Variants in NOS1AP observed in about 807,000 individuals in gnomAD.
NOS1AP encodes nitric oxide synthase 1 adaptor protein, also known as carboxyl-terminal PDZ ligand of neuronal nitric oxide synthase protein.
In NOS1AP, 21 loss-of-function variants were observed where a neutral mutation model predicts 56.2. The observed-to-expected ratio is 0.37, with a 90% CI of 0.26 to 0.54. NOS1AP has a LOEUF of 0.54. NOS1AP is among the 20% of genes least tolerant of loss of function. NOS1AP has a pLI of 0.84. For missense variants in NOS1AP, 522 were observed against 657.8 expected (o/e 0.79, Z 2.26); for synonymous variants, 270 against 274.6 (o/e 0.98, Z 0.17).
intron 1 of NOS1AP, among the ~76,000 whole-genome samples, chr1:162,083,562 G>A (rs1433202581): frequency 6.6e-6 from 1 of 152,104 alleles, no homozygotes; most frequent in Non-Finnish European, 1.5e-5. Context: ...CTTTAATGTG[G>A]CTAGATTTCT....
At chr1:162,362,509 G>A (rs1657938927) in intron 8 of NOS1AP, among the ~76,000 whole-genome samples, 1 of 152,030 alleles carries the variant, frequency 6.6e-6, no homozygotes. Flanking sequence ...TGACTCTGCA[G>A]TATGTGTGCA....
intron 2 of NOS1AP, among the ~76,000 whole-genome samples, chr1:162,221,025 T>C (rs1652750357): frequency 6.6e-6 from 1 of 152,196 alleles, no homozygotes; most frequent in Non-Finnish European, 1.5e-5. Flanking sequence ...CACTGCAACC[T>C]CCACCTCTCG....
intron 2 of NOS1AP, among the ~76,000 whole-genome samples, chr1:162,279,422 A>T (rs1654846295): frequency 6.6e-6 from 1 of 152,196 alleles, no homozygotes; most frequent in South Asian, 2.1e-4. Flanking sequence ...CTATGCCATC[A>T]TGCTGGTCTC....
Position 162,369,375 on chromosome 1 carries a change from C to T in NOS1AP, c.*1908C>T, listed in dbSNP as rs571850047. On this transcript the variant is annotated 3_prime_UTR_variant, in exon 10 of 10. Coordinates refer to ENST00000361897, the MANE Select transcript of NOS1AP (RefSeq NM_014697.3). ...TCAGAATCCAGTGTGGCTGAGCCTA[C>T]CTAGCTTATGAAATCTAACCCAGGG... 7 of 152,268 alleles carry T rather than the reference C, an allele frequency of 4.6e-5. No individual in the cohort carries two copies. Among genetic ancestry groups the T allele is most frequent in the African/African-American group, 1.7e-4 (7 of 41,548 alleles). The allele number at this position is 152,268 out of a possible 1,614,324, so 9.4% of individuals were successfully genotyped here.
chr1:162,081,774 A>ATATATTTTTTT, intron 1 of NOS1AP, among the ~76,000 whole-genome samples: 2 of 44,058 alleles, frequency 4.5e-5, no homozygotes, highest in African/African-American at 1.5e-4. Context: ...ATATATATAT[A>ATATATTTTTTT]TTTTTTTTTT....
intron 2 of NOS1AP, among the ~76,000 whole-genome samples, chr1:162,185,960 C>G (rs1651419128): frequency 6.6e-6 from 1 of 152,202 alleles, no homozygotes; most frequent in African/African-American, 2.4e-5. Context: ...CTAGAAGGGG[C>G]TAAGCCTGAT....
At chr1:162,222,694 G>T (rs944343225) in intron 2 of NOS1AP, among the ~76,000 whole-genome samples, 1 of 152,164 alleles carries the variant, frequency 6.6e-6, no homozygotes, top group African/African-American at 2.4e-5. Context: ...TTGCTGGTTG[G>T]TTATGAAGTT....
rs558432703 is a variant in NOS1AP, at chr1:162,320,814, A to G, written c.345-12203A>G. ...GGTTGTAGTGAGCCGAGATTGCACCACTGCATTCCAGCCTGGTGACAGAGT... is the reference window on the plus strand; with the variant it reads ...GGTTGTAGTGAGCCGAGATTGCACCGCTGCATTCCAGCCTGGTGACAGAGT... On this transcript the variant is annotated intron_variant, in intron 4 of 9. Coordinates refer to ENST00000361897, the MANE Select transcript of NOS1AP (RefSeq NM_014697.3). Among the ~76,000 whole-genome samples the G allele has an allele frequency of 5.3e-5, 8 of 152,296 alleles. No individual in the cohort carries two copies. In the South Asian group the frequency reaches 1.7e-3, roughly 32 times the overall value.
intron 4 of NOS1AP, among the ~76,000 whole-genome samples, chr1:162,301,642 C>T (rs771254033): frequency 3.9e-5 from 6 of 152,310 alleles, no homozygotes; most frequent in South Asian, 2.1e-4. Flanking sequence ...AAGCCAGGCT[C>T]TCCCAGGAAC....
At chr1:162,181,194 A>C (rs1651244999) in intron 2 of NOS1AP, among the ~76,000 whole-genome samples, 1 of 152,238 alleles carries the variant, frequency 6.6e-6, no homozygotes. Context: ...ATTGGTGAGA[A>C]AAACAATCAG....
intron 2 of NOS1AP, among the ~76,000 whole-genome samples, chr1:162,247,693 T>C (rs1434095954): frequency 2.6e-5 from 4 of 151,802 alleles, no homozygotes; most frequent in Non-Finnish European, 5.9e-5. Context: ...TTTTGTCCCG[T>C]CCCCCCCACA....
chr1:162,261,781 T>C (rs547569720), intron 2 of NOS1AP, among the ~76,000 whole-genome samples: 17 of 152,280 alleles, frequency 1.1e-4, no homozygotes, highest in African/African-American at 3.8e-4. Context: ...GCCACTAACT[T>C]TGTGTCCCCA....
chr1:162,210,622 T>C (rs1464381808), intron 2 of NOS1AP, among the ~76,000 whole-genome samples: 1 of 152,198 alleles, frequency 6.6e-6, no homozygotes, highest in Non-Finnish European at 1.5e-5. Context: ...TGTAATTGAC[T>C]GGGCATATTG....
chr1:162,235,501 C>T (rs1226212130), intron 2 of NOS1AP, among the ~76,000 whole-genome samples: 1 of 152,226 alleles, frequency 6.6e-6, no homozygotes, highest in Non-Finnish European at 1.5e-5. Flanking sequence ...CATGGGGAGC[C>T]TCGTCAAGGC....
chr1:162,242,199 T>C (rs1653508083), intron 2 of NOS1AP, among the ~76,000 whole-genome samples: 3 of 152,240 alleles, frequency 2.0e-5, no homozygotes, highest in Admixed American at 2.0e-4. Context: ...TTTTAAGTGA[T>C]GACAGGTCAG....
chr1:162,097,314 T>G (rs1458135919), intron 1 of NOS1AP, among the ~76,000 whole-genome samples: 2 of 152,234 alleles, frequency 1.3e-5, no homozygotes, highest in African/African-American at 4.8e-5. Flanking sequence ...CTCAGTTATG[T>G]GTATAACAAT....
At chr1:162,274,159 A>G (rs1654668383) in intron 2 of NOS1AP, among the ~76,000 whole-genome samples, 2 of 152,156 alleles carry the variant, frequency 1.3e-5, no homozygotes, top group South Asian at 4.1e-4. Context: ...TGGCTGTGCT[A>G]TTTTCCATTC....
chr1:162,345,377 A>G (rs898969194), intron 6 of NOS1AP, among the ~76,000 whole-genome samples: 32 of 141,702 alleles, frequency 2.3e-4, no homozygotes, highest in African/African-American at 7.4e-4. Flanking sequence ...TCATTGTTCA[A>G]TTCCCACCTA....
At chr1:162,218,430 G>A (rs974346676) in intron 2 of NOS1AP, among the ~76,000 whole-genome samples, 4 of 152,150 alleles carry the variant, frequency 2.6e-5, no homozygotes, top group East Asian at 1.9e-4. Flanking sequence ...AAGCCCCTTC[G>A]GTTATGCCTT....
Sources: gnomAD v4.1 joint callset for allele counts (sites outside exome capture counted in the v4.1 genomes callset) on GRCh38, gnomAD v4.1.1 for gene constraint, MANE v1.5 for transcripts, NCBI Gene and HGNC (gene_info 2026-07-23, HGNC 2026-07-21) for gene names.